MAP2K4: variants seen among roughly 807,000 people sequenced by gnomAD.
MAP2K4 encodes mitogen-activated protein kinase kinase 4, also known as dual specificity mitogen-activated protein kinase kinase 4.
Under a neutral mutation model 48.5 loss-of-function variants are expected in MAP2K4, and 4 were observed. The ratio of observed to expected loss-of-function variants is 0.08; its 90% CI spans 0.04 to 0.19. The LOEUF is 0.19. MAP2K4 is among the 10% of genes least tolerant of loss of function. The probability of loss-of-function intolerance (pLI) is 1.00; values close to 1 mark genes in which losing one functional copy is unlikely to be tolerated. For missense variants in MAP2K4, 258 were observed against 493.3 expected, an observed-to-expected ratio of 0.52 and a Z score of 4.52; for synonymous variants, 166 against 173.1, an observed-to-expected ratio of 0.96 and a Z score of 0.32.
intron 7 of MAP2K4, among the ~76,000 whole-genome samples, chr17:12,120,534 TC>T (rs33918738): frequency 2.2e-5 from 3 of 137,204 alleles, no homozygotes; most frequent in African/African-American, 7.9e-5. Flanking sequence ...GCTCCCTCAT[TC>T]CCCCCCCCAT....
chr17:12,118,422 A>G (rs1972570999), intron 7 of MAP2K4, among the ~76,000 whole-genome samples: 4 of 152,264 alleles, frequency 2.6e-5, no homozygotes, highest in South Asian at 4.1e-4. Flanking sequence ...TTACCAGTCC[A>G]TTATTATACT....
chr17:12,025,244 C>T (rs941706640), intron 1 of MAP2K4, among the ~76,000 whole-genome samples: 1 of 152,184 alleles, frequency 6.6e-6, no homozygotes, highest in East Asian at 1.9e-4. Context: ...TAACTTTTCT[C>T]AACTCTCTGT....
intron 7 of MAP2K4, among the ~76,000 whole-genome samples, chr17:12,118,229 A>G (rs1482177361): frequency 6.6e-6 from 1 of 152,222 alleles, no homozygotes; most frequent in African/African-American, 2.4e-5. Flanking sequence ...CTGATGAAAC[A>G]TCACTGTTTT....
intron 4 of MAP2K4, among the ~76,000 whole-genome samples, chr17:12,098,352 C>G (rs1425344958): frequency 6.6e-6 from 1 of 151,850 alleles, no homozygotes; most frequent in East Asian, 1.9e-4. Context: ...GTGGCACATG[C>G]CTGTAGTCCC....
chr17:12,079,759 T>C (rs1971129555), intron 2 of MAP2K4, among the ~76,000 whole-genome samples: 1 of 152,250 alleles, frequency 6.6e-6, no homozygotes, highest in Non-Finnish European at 1.5e-5. Context: ...ATGGAACTTC[T>C]TCATGTTAGA....
intron 1 of MAP2K4, among the ~76,000 whole-genome samples, chr17:12,038,622 T>G (rs1597400643): frequency 6.6e-6 from 1 of 152,284 alleles, no homozygotes; most frequent in African/African-American, 2.4e-5. Flanking sequence ...TTTGAGAGAT[T>G]GAGCATATAT....
intron 8 of MAP2K4, among the ~76,000 whole-genome samples, chr17:12,128,829 A>T (rs1461259778): frequency 6.6e-6 from 1 of 152,194 alleles, no homozygotes; most frequent in Non-Finnish European, 1.5e-5. Flanking sequence ...CTTTCTTATA[A>T]AGAAGTCAGA....
chr17:12,127,638 A>C (rs1044141468), intron 8 of MAP2K4, among the ~76,000 whole-genome samples: 1 of 152,224 alleles, frequency 6.6e-6, no homozygotes, highest in Non-Finnish European at 1.5e-5. Context: ...CTAAGATCCT[A>C]AGTCCTTTAT....
chr17:12,088,542 T>TTATATGTAATATATATTATATATTAAA (rs1567653682), intron 3 of MAP2K4, among the ~76,000 whole-genome samples: 6 of 25,768 alleles, frequency 2.3e-4, no homozygotes, highest in Non-Finnish European at 7.8e-4. Context: ...ATATATTAAA[T>TTATATGTAATATATATTATATATTAAA]TATATCTAAT....
intron 2 of MAP2K4, among the ~76,000 whole-genome samples, chr17:12,076,014 G>A (rs1033681756): frequency 1.3e-5 from 2 of 152,052 alleles, no homozygotes; most frequent in Middle Eastern, 3.2e-3. Flanking sequence ...TTCGGTGTCT[G>A]GTTGGAAAAA....
rs28921110 is a variant in MAP2K4 at position 12,140,832 on chromosome 17, G to C, written c.1087-315G>C. ...ATGGTGTGGTGGAGGCTCCAGCTAT[G>C]TTTTGTGCTGAGTGACAACTTGGCT... On this transcript the variant is annotated intron_variant, in intron 10 of 10. Coordinates refer to ENST00000353533, the MANE Select transcript of MAP2K4 (RefSeq NM_003010.4). Among the ~76,000 whole-genome samples the C allele has an allele frequency of 6.2e-3, 950 of 152,294 alleles. 2 individuals are homozygous for C. Among genetic ancestry groups the C allele is most frequent in the East Asian group, 0.036 (188 of 5,182 alleles).
chr17:12,134,701 G>A lies in MAP2K4; in HGVS notation c.1041-5138G>A, dbSNP rs141519783. On this transcript the variant is annotated intron_variant, in intron 9 of 10. Transcript: ENST00000353533. ...GTAGAGGGAAGCCACATCTAGATGT[G>A]TTCTGAGAAAAGATAAGACTTGACA... Among the ~76,000 whole-genome samples, 949 of 152,322 alleles carry A rather than the reference G, an allele frequency of 6.2e-3. 2 individuals are homozygous for A. Among genetic ancestry groups the A allele is most frequent in the East Asian group, 0.036 (187 of 5,186 alleles).
intron 1 of MAP2K4, among the ~76,000 whole-genome samples, chr17:12,022,723 G>C (rs1969127524): frequency 6.6e-6 from 1 of 152,204 alleles, no homozygotes; most frequent in South Asian, 2.1e-4. Flanking sequence ...CCCCTGTGAA[G>C]ATGGGGGAGG....
intron 1 of MAP2K4, among the ~76,000 whole-genome samples, chr17:12,050,569 A>G (rs928765651): frequency 1.3e-5 from 2 of 152,200 alleles, no homozygotes; most frequent in African/African-American, 2.4e-5. Context: ...CCTAGATTGC[A>G]GAGATTCCAT....
At chr17:12,092,497 T>C (rs1202348330) in intron 3 of MAP2K4, among the ~76,000 whole-genome samples, 3 of 152,226 alleles carry the variant, frequency 2.0e-5, no homozygotes, top group Non-Finnish European at 4.4e-5. Context: ...AGAAAAACTT[T>C]CTTGGTAGTA....
In MAP2K4 at chr17:12,066,491, A is replaced by G. The variant is rs375530500; in HGVS notation, c.218+11500A>G. 8.9e-4 allele frequency among the ~76,000 whole-genome samples: 135 copies of G among 152,134 alleles called. No individual in the cohort carries two copies. The South Asian group carries it at 9.1e-3, about 10-fold the overall frequency. ...TAGTAACTTAGTACATCTTGAAAAT[A>G]TTTCTGAATTAACACATACCCTTTT... is the stretch of plus-strand genomic sequence containing the variant. On this transcript the variant is annotated intron_variant, in intron 2 of 10. Coordinates refer to ENST00000353533, the MANE Select transcript of MAP2K4 (RefSeq NM_003010.4).
intron 3 of MAP2K4, among the ~76,000 whole-genome samples, chr17:12,092,589 A>G (rs1249075019): frequency 6.6e-6 from 1 of 152,190 alleles, no homozygotes; most frequent in African/African-American, 2.4e-5. Context: ...TGAGTTATTA[A>G]AATCACTAAT....
At position 12,069,928 on chromosome 17, in the gene MAP2K4, T is replaced by C. The variant is rs866294605; in HGVS notation, c.219-11428T>C. On this transcript the variant is annotated intron_variant, in intron 2 of 10. Coordinates refer to ENST00000353533, the MANE Select transcript of MAP2K4 (RefSeq NM_003010.4). ...ATATATATATATATATATATATATA[T>C]ATATATATATATATATATATATATG... 7.9e-3 allele frequency: 787 copies of C among 98,994 alleles called. 46 individuals are homozygous for C. The highest frequency in any genetic ancestry group is 0.011 in the Admixed American group (89 of 8,418). The allele number at this position is 98,994 out of a possible 1,614,324, so 6.1% of individuals were successfully genotyped here. A position where few individuals can be genotyped will look rare whatever the true frequency, so the allele number is the denominator to read the frequency against.
intron 1 of MAP2K4, among the ~76,000 whole-genome samples, chr17:12,032,017 A>T (rs1014196600): frequency 6.6e-6 from 1 of 152,136 alleles, no homozygotes; most frequent in African/African-American, 2.4e-5. Context: ...ATATATGAAA[A>T]ATAAAGATTA....
Sources: allele counts gnomAD v4.1 joint callset (sites outside exome capture counted in the v4.1 genomes callset), GRCh38; gene constraint gnomAD v4.1.1; transcripts MANE v1.5; gene names NCBI Gene and HGNC (gene_info 2026-07-23, HGNC 2026-07-21).